The following ATP6V1D variants were observed in gnomAD, a reference collection of about 807,000 sequenced individuals.
ATP6V1D encodes the protein V-type proton ATPase subunit D.
ATP6V1D carries 20 observed loss-of-function variants against 39.4 expected under a neutral mutation model. The ratio of observed to expected loss-of-function variants is 0.51; its 90% CI spans 0.36 to 0.74. The LOEUF (loss-of-function observed/expected upper bound fraction) is 0.74, where lower values mean the gene tolerates loss of function less well. ATP6V1D is among the 30% of genes least tolerant of loss of function. The pLI is 0.00. For missense variants in ATP6V1D, 228 were observed against 291.6 expected (o/e 0.78, Z 1.59); for synonymous variants, 100 against 100.5 (o/e 0.99, Z 0.03).
chr14:67,349,064 T>G lies in ATP6V1D; in HGVS notation c.280A>C (p.Ile94Leu). 1 of 1,614,156 alleles carries G rather than the reference T, an allele frequency of 6.2e-7. No homozygotes were observed. The highest frequency in any genetic ancestry group is 8.5e-7 in the Non-Finnish European group (1 of 1,179,992). The change falls in exon 4 of 9, where the codon ATT becomes CTT. Residue 94 changes from isoleucine to leucine, a missense_variant. Ile to Leu is a conservative substitution (Grantham distance 5). Coordinates refer to ENST00000216442, the MANE Select transcript of ATP6V1D (RefSeq NM_015994.4). The stretch of plus-strand genomic sequence containing the variant: ...GCTACATTATCTTTCTTCGCTCGAA[T>G]CTTCACTTGCGCTTTATTGACATTT... ...IQNVNKAQVK[I>L]RAKKDNVAGV...
Position 67,350,681 on chromosome 14 carries a change from A to G in ATP6V1D, c.169T>C (p.Leu57=). 1.2e-6 allele frequency: 2 copies of G among 1,613,426 alleles called. No homozygotes were observed. ...ILKKIIETKM[L]MGEVMREAAF... The stretch of plus-strand genomic sequence containing the variant: ...GCTTCTCTCATCACTTCGCCCATCA[A>G]CATTTTAGTCTGGAAAAGCATAAAC... The change falls in exon 3 of 9, where the codon TTG becomes CTG. Residue 57 remains leucine, a synonymous_variant. Coordinates refer to ENST00000216442, the MANE Select transcript of ATP6V1D (RefSeq NM_015994.4).
chr14:67,353,191 T>C (rs969530280), intron 1 of ATP6V1D, 151 bp from the exon 2 acceptor site: 4 of 614,858 alleles, frequency 6.5e-6, no homozygotes, highest in Non-Finnish European at 1.1e-5. Flanking sequence ...GTTTAACTGA[T>C]GCTATGGTTT....
In ATP6V1D at chr14:67,352,974, T is replaced by C; in HGVS notation, c.108A>G (p.Lys36=). 1 of 1,614,060 alleles carries C rather than the reference T, an allele frequency of 6.2e-7. No individual in the cohort carries two copies. The change falls in exon 2 of 9, where the codon AAA becomes AAG. Residue 36 remains lysine (K), a synonymous_variant. Coordinates refer to ENST00000216442, the MANE Select transcript of ATP6V1D (RefSeq NM_015994.4). The part of the protein sequence containing the change: ...AQTGRNLLKK[K]SDALTLRFRQ... ...GAAATCGAAGAGTTAAGGCATCAGA[T>C]TTTTTCTTCAGGAGGTTTCGACCTG...
In ATP6V1D at chr14:67,338,193, G is replaced by A. The variant is rs891200722; in HGVS notation, c.*428C>T. 2 of 154,344 alleles carry A rather than the reference G, an allele frequency of 1.3e-5. No homozygotes were observed. The highest frequency in any genetic ancestry group is 2.9e-5 in the Non-Finnish European group (2 of 69,282). 9.6% of individuals were successfully genotyped at this position (154,344 alleles called of 1,614,324 possible). On this transcript the variant is annotated 3_prime_UTR_variant, in exon 9 of 9. Coordinates refer to ENST00000216442, the MANE Select transcript of ATP6V1D (RefSeq NM_015994.4). ...AAGTGCAGGTTTTCACAAAGTTTGA[G>A]AAGTACCATGGTAACAAGAATGGCT...
At chr14:67,347,943 ACT>A (rs1192065511) in intron 4 of ATP6V1D, among the ~76,000 whole-genome samples, 1 of 148,808 alleles carries the variant, frequency 6.7e-6, no homozygotes, top group Non-Finnish European at 1.5e-5. Flanking sequence ...ACAGAGTCTC[ACT>A]CTGTCGCCCA....
At chr14:67,343,557 T>G in intron 6 of ATP6V1D, 119 bp from the exon 7 acceptor site, 1 of 762,084 alleles carries the variant, frequency 1.3e-6, no homozygotes, top group Non-Finnish European at 2.1e-6. Context: ...AACTTCTTTT[T>G]GGCATGCTTA....
intron 7 of ATP6V1D, among the ~76,000 whole-genome samples, chr14:67,341,232 C>A (rs1282663741): frequency 3.3e-5 from 5 of 152,068 alleles, no homozygotes; most frequent in Admixed American, 3.3e-4. Flanking sequence ...AAGTGAGGAG[C>A]GTCTCTGCCC....
chr14:67,340,363 C>T (rs1213992400), intron 8 of ATP6V1D, 77 bp downstream of exon 8: 1 of 1,253,612 alleles, frequency 8.0e-7, no homozygotes, highest in Non-Finnish European at 1.2e-6. Flanking sequence ...GAACATAAAC[C>T]AACAAGTCAT....
chr14:67,344,981 C>T (rs945231976), intron 6 of ATP6V1D, among the ~76,000 whole-genome samples: 2 of 151,974 alleles, frequency 1.3e-5, no homozygotes, highest in South Asian at 4.1e-4. Context: ...GTGGCTCATA[C>T]CTATAATCCC....
chr14:67,341,403 GC>G (rs1213620830), intron 7 of ATP6V1D, among the ~76,000 whole-genome samples: 2 of 150,972 alleles, frequency 1.3e-5, no homozygotes, highest in Non-Finnish European at 3.0e-5. Flanking sequence ...CCCGGCAGCC[GC>G]CCCGTCTGGG....
chr14:67,345,029 C>G (rs1054761414), intron 6 of ATP6V1D, among the ~76,000 whole-genome samples: 6 of 151,450 alleles, frequency 4.0e-5, no homozygotes, highest in Non-Finnish European at 8.8e-5. Context: ...ATTACTTGAG[C>G]CCAGGAGTTC....
At chr14:67,348,820 G>T in intron 4 of ATP6V1D, 1 of 465,000 alleles carries the variant, frequency 2.2e-6, no homozygotes, top group Non-Finnish European at 3.8e-6. Flanking sequence ...GTGCCCAGCC[G>T]GAACCTGCCT....
intron 1 of ATP6V1D, among the ~76,000 whole-genome samples, chr14:67,354,426 T>C (rs1285495893): frequency 6.6e-6 from 1 of 152,176 alleles, no homozygotes; most frequent in Non-Finnish European, 1.5e-5. Context: ...TAAATGCAAT[T>C]ATTTTCAAGA....
rs33973037 is a variant in ATP6V1D at position 67,340,525 on chromosome 14, T to TA, written c.524-8dup. The TA allele has an allele frequency of 3.6e-3, 5,197 of 1,427,788 alleles. No homozygotes were observed. Among genetic ancestry groups the TA allele is most frequent in the East Asian group, 8.7e-3 (353 of 40,798 alleles). 88.4% of individuals were successfully genotyped at this position (1,427,788 alleles called of 1,614,324 possible). A position where few individuals can be genotyped will look rare whatever the true frequency, so the allele number is the denominator to read the frequency against. ...TCAATCCGGGGAATGATGACTAGAA[T>TA]AAAAAAAAAAATAATATGTGTGAGA... is the stretch of plus-strand genomic sequence containing the variant. On this transcript the variant is annotated splice_region_variant and splice_polypyrimidine_tract_variant and intron_variant, in intron 7 of 8. Coordinates refer to ENST00000216442, the MANE Select transcript of ATP6V1D (RefSeq NM_015994.4).
intron 1 of ATP6V1D, among the ~76,000 whole-genome samples, chr14:67,359,253 T>C (rs998293996): frequency 1.3e-5 from 2 of 152,226 alleles, no homozygotes; most frequent in Non-Finnish European, 2.9e-5. Context: ...AGAGCATTTA[T>C]TAAAACCTCC....
In ATP6V1D at chr14:67,358,503, G is replaced by A. The variant is rs1595640035; in HGVS notation, c.41+1155C>T. Among the ~76,000 whole-genome samples, 9 of 152,188 alleles carry A rather than the reference G, an allele frequency of 5.9e-5. No individual in the cohort carries two copies. In the South Asian group the frequency reaches 1.9e-3, roughly 32 times the overall value. ...AGGACCACAATAAAAGGGTCTAAAT[G>A]TCAGGGTCAAAACTGATTTTCTGCT... On this transcript the variant is annotated intron_variant, in intron 1 of 8. Transcript: ENST00000216442.
rs2085556878 is a variant in ATP6V1D, at chr14:67,338,619, G to T, written c.*2C>A. 3 of 1,613,402 alleles carry T rather than the reference G, an allele frequency of 1.9e-6. No homozygotes were observed. The highest frequency in any genetic ancestry group is 3.3e-5 in the Admixed American group (2 of 59,878). Reference sequence around the variant, plus strand: ...TTTCTCAAAGAACCAGAACAGGAAAGATTATTCAAATAGAAGATCCTCGTC... The same window carrying T: ...TTTCTCAAAGAACCAGAACAGGAAATATTATTCAAATAGAAGATCCTCGTC... On this transcript the variant is annotated 3_prime_UTR_variant, in exon 9 of 9. Coordinates refer to ENST00000216442, the MANE Select transcript of ATP6V1D (RefSeq NM_015994.4).
At chr14:67,357,184 G>A (rs1013011988) in intron 1 of ATP6V1D, among the ~76,000 whole-genome samples, 9 of 152,184 alleles carry the variant, frequency 5.9e-5, no homozygotes, top group Non-Finnish European at 8.8e-5. Context: ...TCTCTGGTAC[G>A]AAAGTGGGTG....
intron 6 of ATP6V1D, among the ~76,000 whole-genome samples, chr14:67,344,384 CTTGAG>C (rs2085605723): frequency 6.6e-6 from 1 of 152,180 alleles, no homozygotes; most frequent in Non-Finnish European, 1.5e-5. Flanking sequence ...ACAGGCTTTA[CTTGAG>C]TTGACACTAT....
Sources: allele counts gnomAD v4.1 joint callset (sites outside exome capture counted in the v4.1 genomes callset), GRCh38; gene constraint gnomAD v4.1.1; transcripts MANE v1.5; gene names NCBI Gene and HGNC (gene_info 2026-07-23, HGNC 2026-07-21).